The following PRPF18 variants were observed in gnomAD, a reference collection of about 807,000 sequenced individuals.
The protein encoded by PRPF18 is pre-mRNA processing factor 18.
A neutral mutation model predicts 46.5 loss-of-function variants in PRPF18; 38 were observed. That is an observed-to-expected ratio of 0.82 (90% CI 0.63 to 1.07). PRPF18 has a LOEUF of 1.07. PRPF18 is among the 50% of genes least tolerant of loss of function. The pLI is 0.00. For missense variants in PRPF18, 263 were observed against 410.0 expected (o/e 0.64, Z 3.10); for synonymous variants, 152 against 146.7 (o/e 1.04, Z -0.26).
intron 3 of PRPF18, among the ~76,000 whole-genome samples, chr10:13,603,294 AGGTGGTGGT>A (rs954409309): frequency 2.4e-4 from 34 of 142,144 alleles, no homozygotes; most frequent in East Asian, 6.8e-4. Context: ...TTTTTGGGGG[AGGTGGTGGT>A]GGTGGTGGTG....
At chr10:13,605,782 A>G (rs1255150832) in intron 4 of PRPF18, 38 bp downstream of exon 4, 2 of 1,569,512 alleles carry the variant, frequency 1.3e-6, no homozygotes, top group South Asian at 1.2e-5. Context: ...ATACCACTGT[A>G]CTGCATTCAC....
intron 5 of PRPF18, 70 bp downstream of exon 5, chr10:13,610,255 G>A (rs538151231): frequency 3.9e-6 from 6 of 1,520,222 alleles, no homozygotes; most frequent in Middle Eastern, 1.8e-4. Flanking sequence ...TGACTGAGTC[G>A]GGCAGATTGT....
At chr10:13,609,117 C>T (rs1412960721) in intron 4 of PRPF18, among the ~76,000 whole-genome samples, 1 of 152,290 alleles carries the variant, frequency 6.6e-6, no homozygotes, top group African/African-American at 2.4e-5. Context: ...TGTGTGAGAA[C>T]GTTAGGAGTT....
At chr10:13,647,935 A>G in the PRPF18 span, 2 of 152,056 alleles carry the variant, frequency 1.3e-5, no homozygotes, top group Non-Finnish European at 2.9e-5. Context: ...CCCCATGGGG[A>G]GTGGTGAGGG....
chr10:13,620,622 C>T (rs1292503775), intron 9 of PRPF18, among the ~76,000 whole-genome samples: 1 of 152,188 alleles, frequency 6.6e-6, no homozygotes, highest in Non-Finnish European at 1.5e-5. Flanking sequence ...ATTATTCTAA[C>T]ATGTACCATT....
the PRPF18 span, chr10:13,637,315 C>T: frequency 6.6e-6 from 1 of 152,208 alleles, no homozygotes; most frequent in African/African-American, 2.4e-5. Context: ...GTTCCAGTTA[C>T]TCTGCCTCCT....
At chr10:13,654,382 C>G in the PRPF18 span, 1 of 1,328,904 alleles carries the variant, frequency 7.5e-7, no homozygotes, top group Non-Finnish European at 1.1e-6. Context: ...CTCTTTCGAG[C>G]TGACACAGTG....
intron 1 of PRPF18, chr10:13,592,194 A>G (rs2079973961): frequency 1.6e-6 from 1 of 623,884 alleles, no homozygotes. Context: ...GTTGTGCTGC[A>G]ATGGGGCTTC....
intron 9 of PRPF18, among the ~76,000 whole-genome samples, chr10:13,621,548 C>T (rs2031608): frequency 0.072 from 10,975 of 152,176 alleles, 423 homozygotes; most frequent in Admixed American, 0.088. Context: ...GGATTGCCAG[C>T]GCTAGGTTGC....
chr10:13,646,925 G>C, the PRPF18 span: 1 of 914,264 alleles, frequency 1.1e-6, no homozygotes, highest in African/African-American at 1.8e-5. Flanking sequence ...AGATTAGGCC[G>C]GGCTGGCTCA....
In PRPF18 at chr10:13,604,080, G is replaced by A. The variant is rs550074026; in HGVS notation, c.250-1551G>A. On this transcript the variant is annotated intron_variant, in intron 3 of 9. Coordinates refer to ENST00000378572, the MANE Select transcript of PRPF18 (RefSeq NM_003675.4). ...TAAACAATGGGATGGGATGTTTCAC[G>A]AAGAAATGTGATTCCTGCCATTTGT... Among the ~76,000 whole-genome samples, 13 of 152,308 alleles carry A rather than the reference G, an allele frequency of 8.5e-5. No individual in the cohort carries two copies. In the South Asian group the frequency reaches 1.5e-3, roughly 17 times the overall value.
chr10:13,653,509 T>C, the PRPF18 span: 1 of 152,294 alleles, frequency 6.6e-6, no homozygotes, highest in African/African-American at 2.4e-5. Context: ...AAAGGCCAAG[T>C]ATGAGAGCCT....
At chr10:13,621,292 C>T (rs1420990814) in intron 9 of PRPF18, among the ~76,000 whole-genome samples, 1 of 152,158 alleles carries the variant, frequency 6.6e-6, no homozygotes, top group East Asian at 1.9e-4. Context: ...GCACCCTTGC[C>T]CTGTGGCTTC....
chr10:13,608,482 T>G (rs984538646), intron 4 of PRPF18, among the ~76,000 whole-genome samples: 5 of 152,378 alleles, frequency 3.3e-5, no homozygotes, highest in Admixed American at 3.3e-4. Flanking sequence ...CCCACAACAC[T>G]AGCAGTTGCT....
At chr10:13,611,522 GA>G in intron 5 of PRPF18, 92 bp from the exon 6 acceptor site, 1 of 1,031,986 alleles carries the variant, frequency 9.7e-7, no homozygotes, top group South Asian at 1.4e-5. Context: ...CAGCATATGT[GA>G]CCAAGAGCCA....
intron 3 of PRPF18, 67 bp from the exon 4 acceptor site, chr10:13,605,564 A>C (rs1366290613): frequency 2.1e-6 from 3 of 1,409,582 alleles, no homozygotes; most frequent in African/African-American, 1.6e-5. Context: ...CCTGGGCAAC[A>C]GAGTGAGACT....
chr10:13,596,293 C>T (rs989911412), intron 1 of PRPF18, among the ~76,000 whole-genome samples: 2 of 152,204 alleles, frequency 1.3e-5, no homozygotes, highest in Non-Finnish European at 2.9e-5. Context: ...AACAAGGATA[C>T]TTCGTAGACG....
chr10:13,647,023 A>C, the PRPF18 span: 18 of 961,166 alleles, frequency 1.9e-5, no homozygotes, highest in Non-Finnish European at 2.2e-5. Flanking sequence ...GGAAACAGCT[A>C]TCATTGTAGC....
chr10:13,654,865 A>G, the PRPF18 span: 3 of 305,446 alleles, frequency 9.8e-6, no homozygotes, highest in African/African-American at 4.4e-5. Context: ...TGATGTCCCC[A>G]TAGTCCTTTG....
Sources: allele counts gnomAD v4.1 joint callset (sites outside exome capture counted in the v4.1 genomes callset), GRCh38; gene constraint gnomAD v4.1.1; transcripts MANE v1.5; gene names NCBI Gene and HGNC (gene_info 2026-07-23, HGNC 2026-07-21).